The following PIP4K2A variants were observed in gnomAD, a reference collection of about 807,000 sequenced individuals.
PIP4K2A encodes phosphatidylinositol-5-phosphate 4-kinase type 2 alpha.
A neutral mutation model predicts 42.9 loss-of-function variants in PIP4K2A; 14 were observed. That is an observed-to-expected ratio of 0.33 (90% confidence interval 0.22 to 0.51). The LOEUF (loss-of-function observed/expected upper bound fraction) is 0.51. PIP4K2A is among the 20% of genes least tolerant of loss of function. The probability of loss-of-function intolerance (pLI) is 0.97; values close to 1 mark genes in which losing one functional copy is unlikely to be tolerated. For synonymous variants in PIP4K2A, 192 were observed against 192.2 expected (o/e 1.00, Z 0.01); for missense variants, 434 against 519.8 (o/e 0.83, Z 1.61).
intron 1 of PIP4K2A, among the ~76,000 whole-genome samples, chr10:22,657,044 A>AT (rs1174405001): frequency 6.6e-6 from 1 of 152,174 alleles, no homozygotes; most frequent in Non-Finnish European, 1.5e-5. Flanking sequence ...GGCCAAGAGC[A>AT]GTGTTCAGCA....
chr10:22,555,899 A>T (rs1039856191), intron 6 of PIP4K2A, among the ~76,000 whole-genome samples: 4 of 2,140 alleles, frequency 1.9e-3, no homozygotes, highest in Admixed American at 4.9e-3. Context: ...GATGAGCTTA[A>T]AAAAAAAAAA....
chr10:22,650,299 A>G (rs1838966299), intron 1 of PIP4K2A, among the ~76,000 whole-genome samples: 1 of 152,128 alleles, frequency 6.6e-6, no homozygotes. Flanking sequence ...TGTCACCCAG[A>G]CTGGAGTATA....
chr10:22,556,786 T>C (rs1363105621), intron 6 of PIP4K2A, among the ~76,000 whole-genome samples: 1 of 152,204 alleles, frequency 6.6e-6, no homozygotes, highest in Non-Finnish European at 1.5e-5. Flanking sequence ...AAAAGAAAAT[T>C]TATTATAAAC....
chr10:22,564,906 G>A (rs994933102), intron 6 of PIP4K2A, among the ~76,000 whole-genome samples: 47 of 152,200 alleles, frequency 3.1e-4, no homozygotes, highest in Non-Finnish European at 6.3e-4. Context: ...CTGGCCTCAC[G>A]AAAGCATCTG....
At chr10:22,605,044 G>C (rs983257355) in intron 3 of PIP4K2A, among the ~76,000 whole-genome samples, 1 of 152,126 alleles carries the variant, frequency 6.6e-6, no homozygotes, top group Non-Finnish European at 1.5e-5. Context: ...CCAGATTTAC[G>C]ATCCTGTTTT....
At chr10:22,603,738 C>T (rs2913110) in intron 3 of PIP4K2A, among the ~76,000 whole-genome samples, 83,051 of 151,890 alleles carry the variant, frequency 0.55, 24,532 homozygotes, top group East Asian at 0.87. Context: ...GTGATCAGGG[C>T]TTAAGGGGGC....
At chr10:22,708,879 C>T (rs972880674) in intron 1 of PIP4K2A, among the ~76,000 whole-genome samples, 45 of 152,348 alleles carry the variant, frequency 3.0e-4, no homozygotes, top group African/African-American at 1.1e-3. Context: ...ACCTCCTGGA[C>T]TCAGATGATC....
chr10:22,691,309 C>T (rs1024989654), intron 1 of PIP4K2A, among the ~76,000 whole-genome samples: 6 of 152,056 alleles, frequency 3.9e-5, no homozygotes, highest in East Asian at 1.9e-4. Flanking sequence ...TTAAAAGGCC[C>T]GAAATGCTCA....
Position 22,539,566 on chromosome 10 carries a change from T to C in PIP4K2A, c.1140+405A>G, listed in dbSNP as rs1027390494. 11 of 171,430 alleles carry C rather than the reference T, an allele frequency of 6.4e-5. 2 individuals carry two copies. The highest frequency in any genetic ancestry group is 1.9e-4 in the African/African-American group (8 of 42,130). The allele number at this position is 171,430 out of a possible 1,614,324, so 10.6% of individuals were successfully genotyped here. On this transcript the variant is annotated intron_variant, in intron 9 of 9. Coordinates refer to ENST00000376573, the MANE Select transcript of PIP4K2A (RefSeq NM_005028.5). ...TTCATATTAGAACACTTCATTATCTTCTTTTGCACTTTTATCTCTGGAACA... is the reference window on the plus strand; with the variant it reads ...TTCATATTAGAACACTTCATTATCTCCTTTTGCACTTTTATCTCTGGAACA...
chr10:22,712,254 T>C (rs1258274838), intron 1 of PIP4K2A, among the ~76,000 whole-genome samples: 1 of 152,204 alleles, frequency 6.6e-6, no homozygotes, highest in Non-Finnish European at 1.5e-5. Flanking sequence ...TAGCAATTCA[T>C]AAATATAAGG....
intron 1 of PIP4K2A, among the ~76,000 whole-genome samples, chr10:22,684,131 C>T (rs1014333939): frequency 6.6e-6 from 1 of 152,146 alleles, no homozygotes; most frequent in African/African-American, 2.4e-5. Flanking sequence ...ATGCCAACTT[C>T]CCCACTCACA....
intron 1 of PIP4K2A, among the ~76,000 whole-genome samples, chr10:22,614,990 C>T (rs1008255804): frequency 6.6e-6 from 1 of 152,178 alleles, no homozygotes; most frequent in Non-Finnish European, 1.5e-5. Context: ...TCTTGGGTTT[C>T]AAAGTCTCCA....
Position 22,701,291 on chromosome 10 carries a change from C to T in PIP4K2A, c.144+12892G>A, listed in dbSNP as rs200652171. On this transcript the variant is annotated intron_variant, in intron 1 of 9. Transcript: ENST00000376573. ...TAGGTGAGTCACTGTCGATTCCTTC[C>T]TGTTACCTAACAGTCACCAAATCCA... 3.9e-5 allele frequency among the ~76,000 whole-genome samples: 6 copies of T among 152,316 alleles called. No homozygotes were observed. In the East Asian group the frequency reaches 9.6e-4, roughly 24 times the overall value.
At chr10:22,615,740 A>G (rs934680590) in intron 1 of PIP4K2A, among the ~76,000 whole-genome samples, 3 of 152,224 alleles carry the variant, frequency 2.0e-5, no homozygotes, top group African/African-American at 7.2e-5. Context: ...CTCACAGCAA[A>G]AGAGCAATAT....
At chr10:22,640,034 T>C (rs1588679566) in intron 1 of PIP4K2A, among the ~76,000 whole-genome samples, 2 of 120,154 alleles carry the variant, frequency 1.7e-5, no homozygotes. Context: ...TTTTTTTTTT[T>C]TTTTTTTTAA....
rs766021937 is a variant in PIP4K2A at position 22,609,730 on chromosome 10, A to G, written c.145-13T>C. The G allele has an allele frequency of 1.0e-5, 15 of 1,492,758 alleles. No homozygotes were observed. The highest frequency in any genetic ancestry group is 1.4e-5 in the Non-Finnish European group (15 of 1,074,212). 92.5% of individuals were successfully genotyped at this position (1,492,758 alleles called of 1,614,324 possible). A position where few individuals can be genotyped will look rare whatever the true frequency, so the allele number is the denominator to read the frequency against. ...TCAGTTCATTGATCTGGAAAAATAT[A>G]AAATAAATAGCATGGGTTATTACTA... On this transcript the variant is annotated splice_polypyrimidine_tract_variant and intron_variant, in intron 1 of 9. Transcript: ENST00000376573.
intron 1 of PIP4K2A, among the ~76,000 whole-genome samples, chr10:22,624,032 T>TG (rs1838386726): frequency 6.6e-6 from 1 of 152,174 alleles, no homozygotes; most frequent in Non-Finnish European, 1.5e-5. Flanking sequence ...TGCCTAGAGA[T>TG]ACCAGCTAAT....
chr10:22,598,765 A>C (rs1430730874), intron 3 of PIP4K2A, among the ~76,000 whole-genome samples: 1 of 152,236 alleles, frequency 6.6e-6, no homozygotes, highest in Non-Finnish European at 1.5e-5. Context: ...ATGGTCTCTA[A>C]GCTTCCTGCT....
At chr10:22,564,659 T>C (rs1454553461) in intron 6 of PIP4K2A, among the ~76,000 whole-genome samples, 1 of 152,256 alleles carries the variant, frequency 6.6e-6, no homozygotes, top group African/African-American at 2.4e-5. Flanking sequence ...TCACTGTTTC[T>C]GCCTCTTCTG....
Sources: gnomAD v4.1 joint callset for allele counts (sites outside exome capture counted in the v4.1 genomes callset) on GRCh38, gnomAD v4.1.1 for gene constraint, MANE v1.5 for transcripts, NCBI Gene and HGNC (gene_info 2026-07-23, HGNC 2026-07-21) for gene names.